The following ZCWPW2 variants were observed in gnomAD, a reference collection of about 807,000 sequenced individuals.
ZCWPW2 encodes the protein zinc finger CW-type and PWWP domain containing 2, also known as zinc finger CW-type PWWP domain protein 2.
A neutral mutation model predicts 46.6 loss-of-function variants in ZCWPW2; 45 were observed. The observed-to-expected ratio is 0.96, with a 90% confidence interval of 0.76 to 1.24. The LOEUF is 1.24. Ranked by LOEUF, ZCWPW2 falls within the 50% of genes most tolerant of loss-of-function variation. The pLI, the probability that ZCWPW2 is intolerant of heterozygous loss-of-function variation, is 0.00. For missense variants in ZCWPW2, 429 were observed against 403.9 expected, an observed-to-expected ratio of 1.06 and a Z score of -0.53; for synonymous variants, 152 against 137.1, an observed-to-expected ratio of 1.11 and a Z score of -0.76.
At chr3:28,493,138 A>T (rs55704326) in intron 6 of ZCWPW2, among the ~76,000 whole-genome samples, 16,924 of 53,856 alleles carry the variant, frequency 0.31, 1,553 homozygotes, top group Non-Finnish European at 0.35. Context: ...TTTTTATTTT[A>T]TTTTTTTTAA....
chr3:28,360,769 A>G (rs1704911390), intron 1 of ZCWPW2, among the ~76,000 whole-genome samples: 1 of 152,146 alleles, frequency 6.6e-6, no homozygotes, highest in African/African-American at 2.4e-5. Context: ...GAAAATAACT[A>G]TCCTAAAACT....
At position 28,391,469 on chromosome 3, in the gene ZCWPW2, C is replaced by T. The variant is rs887815004; in HGVS notation, c.-14+852C>T. On this transcript the variant is annotated intron_variant, in intron 2 of 9. Transcript: ENST00000383768. ...GGCTCAGGAGTCCAATTAACAACAT[C>T]CAGCAATGCAGTGGAACAAATAATA... is the stretch of plus-strand genomic sequence containing the variant. Among the ~76,000 whole-genome samples, 15 of 152,090 alleles carry T rather than the reference C, an allele frequency of 9.9e-5. No individual in the cohort carries two copies. In the South Asian group the frequency reaches 2.1e-3, roughly 21 times the overall value.
rs148872311 is a variant in ZCWPW2, at chr3:28,489,981, A to C, written c.611-2146A>C. On this transcript the variant is annotated intron_variant, in intron 5 of 9. Coordinates refer to ENST00000383768, the MANE Select transcript of ZCWPW2 (RefSeq NM_001040432.4). ...ATGTCCAGCATTTATAATAAGCAAA[A>C]AATAACCCCATTAAAAAGTGGGAAA... is the stretch of plus-strand genomic sequence containing the variant. 4.9e-3 allele frequency among the ~76,000 whole-genome samples: 743 copies of C among 152,224 alleles called. 9 individuals carry two copies. Among genetic ancestry groups the C allele is most frequent in the African/African-American group, 0.017 (694 of 41,558 alleles).
At chr3:28,493,140 T>A (rs937585100) in intron 6 of ZCWPW2, among the ~76,000 whole-genome samples, 5 of 84,148 alleles carry the variant, frequency 5.9e-5, no homozygotes, top group Admixed American at 3.0e-4. Flanking sequence ...TTTATTTTAT[T>A]TTTTTTAATG....
chr3:28,427,248 C>T (rs941911477), intron 3 of ZCWPW2, among the ~76,000 whole-genome samples: 1 of 152,162 alleles, frequency 6.6e-6, no homozygotes, highest in African/African-American at 2.4e-5. Context: ...GTGCACAATG[C>T]ATTATCATGG....
chr3:28,524,247 A>C (rs1248675831), intron 9 of ZCWPW2, among the ~76,000 whole-genome samples: 2 of 152,054 alleles, frequency 1.3e-5, no homozygotes, highest in Non-Finnish European at 2.9e-5. Flanking sequence ...AACAACATAG[A>C]AAACTCACAT....
At chr3:28,407,806 A>T (rs1696225098) in intron 2 of ZCWPW2, among the ~76,000 whole-genome samples, 1 of 152,232 alleles carries the variant, frequency 6.6e-6, no homozygotes, top group African/African-American at 2.4e-5. Flanking sequence ...TACTCAGCAT[A>T]GCTTTGCATT....
intron 8 of ZCWPW2, among the ~76,000 whole-genome samples, chr3:28,520,118 C>T (rs1700683792): frequency 6.6e-6 from 1 of 151,592 alleles, no homozygotes; most frequent in Non-Finnish European, 1.5e-5. Flanking sequence ...CATTCTCCTG[C>T]CCCAGCCTCC....
intron 1 of ZCWPW2, among the ~76,000 whole-genome samples, chr3:28,378,074 G>A (rs1470544697): frequency 1.3e-5 from 2 of 151,978 alleles, no homozygotes; most frequent in Non-Finnish European, 2.9e-5. Flanking sequence ...TTGGAGCTAT[G>A]CCAGAAATTA....
chr3:28,362,659 G>C (rs1336066339), intron 1 of ZCWPW2, among the ~76,000 whole-genome samples: 1 of 152,124 alleles, frequency 6.6e-6, no homozygotes, highest in African/African-American at 2.4e-5. Context: ...GTGGAAAGTA[G>C]TGTGGCAGTT....
chr3:28,381,651 G>T (rs1007264550), intron 1 of ZCWPW2, among the ~76,000 whole-genome samples: 3 of 152,126 alleles, frequency 2.0e-5, no homozygotes, highest in African/African-American at 4.8e-5. Flanking sequence ...GATGAGCATG[G>T]TGGCACACGG....
chr3:28,476,075 C>A (rs9854180), intron 4 of ZCWPW2, among the ~76,000 whole-genome samples: 119,796 of 150,914 alleles, frequency 0.79, 48,163 homozygotes, highest in African/African-American at 0.93. Context: ...ATAACTATTC[C>A]TAACATTCAT....
intron 4 of ZCWPW2, among the ~76,000 whole-genome samples, chr3:28,454,945 CAT>C (rs1427357860): frequency 1.3e-5 from 2 of 152,144 alleles, no homozygotes; most frequent in Admixed American, 6.5e-5. Context: ...ACAGTGAACA[CAT>C]GTGTGCATGT....
At chr3:28,409,057 A>G (rs898581671) in intron 2 of ZCWPW2, among the ~76,000 whole-genome samples, 6 of 151,822 alleles carry the variant, frequency 4.0e-5, no homozygotes, top group Non-Finnish European at 7.4e-5. Flanking sequence ...AGAGTCTTCC[A>G]TCTTATTCAT....
rs146739256 is a variant in ZCWPW2, at chr3:28,407,305, T to C, written c.-13-5751T>C. Among the ~76,000 whole-genome samples the C allele has an allele frequency of 2.8e-3, 423 of 152,326 alleles. 3 individuals are homozygous for C. Among genetic ancestry groups the C allele is most frequent in the African/African-American group, 9.1e-3 (380 of 41,576 alleles). On this transcript the variant is annotated intron_variant, in intron 2 of 9. Transcript: ENST00000383768. ...TTTGTACATCTAACATCACACTGTA[T>C]TACATTTATCAAGTATTTTATGGAA...
chr3:28,506,351 A>G (rs959097607), intron 6 of ZCWPW2, among the ~76,000 whole-genome samples: 2 of 151,936 alleles, frequency 1.3e-5, no homozygotes, highest in African/African-American at 4.8e-5. Flanking sequence ...GTCCCAGAGT[A>G]TCTGATTCAG....
rs1705592551 is a variant in ZCWPW2 at position 28,379,227 on chromosome 3, T to C, written c.-133-11271T>C. Among the ~76,000 whole-genome samples, 3 of 152,144 alleles carry C rather than the reference T, an allele frequency of 2.0e-5. No homozygotes were observed. The South Asian group carries it at 6.2e-4, about 31-fold the overall frequency. ...CAGAGTAGTTTTAAATAAGCTTTTATGTATTTGGATGAGAAGTGATGGAGA... is the reference window on the plus strand; with the variant it reads ...CAGAGTAGTTTTAAATAAGCTTTTACGTATTTGGATGAGAAGTGATGGAGA... On this transcript the variant is annotated intron_variant, in intron 1 of 9. Coordinates refer to ENST00000383768, the MANE Select transcript of ZCWPW2 (RefSeq NM_001040432.4).
intron 4 of ZCWPW2, among the ~76,000 whole-genome samples, chr3:28,456,943 G>C (rs769906162): frequency 6.6e-6 from 1 of 151,974 alleles, no homozygotes. Flanking sequence ...TTTTTTTGTT[G>C]TATCTATACC....
chr3:28,389,186 G>A (rs1695391970), intron 1 of ZCWPW2, among the ~76,000 whole-genome samples: 1 of 152,068 alleles, frequency 6.6e-6, no homozygotes. Context: ...GGCCACTAGG[G>A]GTAATAGTGA....
Sources: allele counts gnomAD v4.1 joint callset (sites outside exome capture counted in the v4.1 genomes callset), GRCh38; gene constraint gnomAD v4.1.1; transcripts MANE v1.5; gene names NCBI Gene and HGNC (gene_info 2026-07-23, HGNC 2026-07-21).